MSRA: variants seen among roughly 807,000 people sequenced by gnomAD.
The protein encoded by MSRA is methionine sulfoxide reductase A.
MSRA carries 54 observed loss-of-function variants against 31.3 expected under a neutral mutation model. That is an observed-to-expected ratio of 1.73 (90% confidence interval 1.39 to 2.17). The LOEUF is 2.17. MSRA is among the 30% of genes most tolerant of loss of function. The pLI, the probability that MSRA is intolerant of heterozygous loss-of-function variation, is 0.00. For synonymous variants in MSRA, 169 were observed against 116.5 expected, an observed-to-expected ratio of 1.45 and a Z score of -2.90; for missense variants, 507 against 300.9, an observed-to-expected ratio of 1.69 and a Z score of -5.07.
intron 1 of MSRA, among the ~76,000 whole-genome samples, chr8:10,108,002 C>G (rs906388119): frequency 2.6e-5 from 4 of 152,180 alleles, no homozygotes; most frequent in African/African-American, 9.7e-5. Flanking sequence ...CCAATCACTC[C>G]CATTTCTTTT....
chr8:10,284,796 T>C (rs1799847161), intron 3 of MSRA, among the ~76,000 whole-genome samples: 1 of 152,142 alleles, frequency 6.6e-6, no homozygotes. Flanking sequence ...AAAATGGATA[T>C]AATGAAAATA....
At chr8:10,393,192 G>A (rs983990718) in intron 5 of MSRA, among the ~76,000 whole-genome samples, 6 of 151,908 alleles carry the variant, frequency 3.9e-5, no homozygotes, top group African/African-American at 7.3e-5. Context: ...GCAGCCGCCC[G>A]CCCCCCGTGT....
chr8:10,085,480 G>A lies in MSRA; in HGVS notation c.142+30822G>A, dbSNP rs1798513127. On this transcript the variant is annotated intron_variant, in intron 1 of 5. Transcript: ENST00000317173. The stretch of plus-strand genomic sequence containing the variant: ...CCTGTTTCTGCAACTGGAAGAAGAT[G>A]AGCGGAACCTCTTTTAGGTGGGGAC... 2.6e-5 allele frequency among the ~76,000 whole-genome samples: 4 copies of A among 152,214 alleles called. No homozygotes were observed. The South Asian group carries it at 8.3e-4, about 31-fold the overall frequency.
chr8:10,158,883 C>G (rs1009715927), intron 1 of MSRA, among the ~76,000 whole-genome samples: 2 of 152,224 alleles, frequency 1.3e-5, no homozygotes, highest in Non-Finnish European at 2.9e-5. Flanking sequence ...TCCTCTCCAA[C>G]GCTTGCTGTT....
At chr8:10,075,145 C>T (rs1408632875) in intron 1 of MSRA, among the ~76,000 whole-genome samples, 1 of 152,076 alleles carries the variant, frequency 6.6e-6, no homozygotes, top group African/African-American at 2.4e-5. Flanking sequence ...TATTGTATTT[C>T]TGTTTTCTGT....
rs10566550 is a variant in MSRA at position 10,089,138 on chromosome 8, CCACACACA to C, written c.142+34497_142+34504del. Among the ~76,000 whole-genome samples, 31 of 150,108 alleles carry C rather than the reference CCACACACA, an allele frequency of 2.1e-4. 1 individual carries two copies. The South Asian group carries it at 6.1e-3, about 29-fold the overall frequency. ...TAAGTAAATTTTAGCTGCTTTTGTC[CCACACACA>C]CACACACACACACACAGTAACTCTG... is the stretch of plus-strand genomic sequence containing the variant. On this transcript the variant is annotated intron_variant, in intron 1 of 5. Coordinates refer to ENST00000317173, the MANE Select transcript of MSRA (RefSeq NM_012331.5).
rs1455098001 is a variant in MSRA at position 10,166,045 on chromosome 8, A to G, written c.143-41788A>G. ...ACAAGGTACCCAAGACCGTGTGGGCACAGGATGGACCCTCAAGGCAGCGAA... is the reference window on the plus strand; with the variant it reads ...ACAAGGTACCCAAGACCGTGTGGGCGCAGGATGGACCCTCAAGGCAGCGAA... On this transcript the variant is annotated intron_variant, in intron 1 of 5. Coordinates refer to ENST00000317173, the MANE Select transcript of MSRA (RefSeq NM_012331.5). Among the ~76,000 whole-genome samples, 3 of 152,170 alleles carry G rather than the reference A, an allele frequency of 2.0e-5. No individual in the cohort carries two copies. The East Asian group carries it at 5.8e-4, about 29-fold the overall frequency.
chr8:10,182,157 A>C (rs1407686032), intron 1 of MSRA, among the ~76,000 whole-genome samples: 1 of 152,058 alleles, frequency 6.6e-6, no homozygotes, highest in South Asian at 2.1e-4. Context: ...TGCTTGGTTT[A>C]TCCTCTAAGC....
At chr8:10,253,952 C>T (rs377017106) in intron 3 of MSRA, among the ~76,000 whole-genome samples, 4 of 152,058 alleles carry the variant, frequency 2.6e-5, no homozygotes, top group Admixed American at 6.5e-5. Context: ...CACGGTTGCT[C>T]GTCATGGGAG....
intron 5 of MSRA, among the ~76,000 whole-genome samples, chr8:10,418,115 C>T (rs1378664481): frequency 1.3e-5 from 2 of 152,112 alleles, no homozygotes; most frequent in Non-Finnish European, 2.9e-5. Flanking sequence ...CACCACAATA[C>T]TTTAAAAAGT....
intron 1 of MSRA, among the ~76,000 whole-genome samples, chr8:10,178,510 T>C (rs1563186556): frequency 6.6e-6 from 1 of 152,208 alleles, no homozygotes; most frequent in Non-Finnish European, 1.5e-5. Context: ...ATCATCCATA[T>C]TGCTAATTTT....
intron 1 of MSRA, among the ~76,000 whole-genome samples, chr8:10,116,036 A>C (rs1800653157): frequency 6.6e-6 from 1 of 152,192 alleles, no homozygotes; most frequent in Non-Finnish European, 1.5e-5. Context: ...GGCTGGAACC[A>C]CTGCTCTGAG....
chr8:10,196,045 G>C (rs1295258048), intron 1 of MSRA, among the ~76,000 whole-genome samples: 1 of 152,206 alleles, frequency 6.6e-6, no homozygotes, highest in Non-Finnish European at 1.5e-5. Context: ...CACTGTCAGA[G>C]AGGAGAGGGT....
At chr8:10,205,672 A>G (rs954161097) in intron 1 of MSRA, among the ~76,000 whole-genome samples, 2 of 152,258 alleles carry the variant, frequency 1.3e-5, no homozygotes, top group Non-Finnish European at 2.9e-5. Context: ...CTAGACAAAA[A>G]GAAAAGAATC....
intron 1 of MSRA, among the ~76,000 whole-genome samples, chr8:10,163,633 G>C (rs1804861643): frequency 6.6e-6 from 1 of 152,252 alleles, no homozygotes; most frequent in South Asian, 2.1e-4. Context: ...TGTGAAATCA[G>C]TATGGCATTG....
intron 1 of MSRA, among the ~76,000 whole-genome samples, chr8:10,151,862 G>A (rs1477467446): frequency 6.6e-6 from 1 of 152,182 alleles, no homozygotes; most frequent in Non-Finnish European, 1.5e-5. Flanking sequence ...TTTAGTAAAG[G>A]CCAAGGTCAT....
At chr8:10,264,065 A>G (rs1371751183) in intron 3 of MSRA, among the ~76,000 whole-genome samples, 1 of 152,192 alleles carries the variant, frequency 6.6e-6, no homozygotes, top group East Asian at 1.9e-4. Context: ...TAATAAGCTA[A>G]TGATTTATTT....
chr8:10,130,587 C>A (rs1002121597), intron 1 of MSRA, among the ~76,000 whole-genome samples: 1 of 152,042 alleles, frequency 6.6e-6, no homozygotes, highest in Admixed American at 6.6e-5. Context: ...GACATTTCGA[C>A]GGAAAAAATA....
intron 1 of MSRA, among the ~76,000 whole-genome samples, chr8:10,141,435 AGACATACATTG>A (rs1802698005): frequency 6.6e-6 from 1 of 152,206 alleles, no homozygotes; most frequent in South Asian, 2.1e-4. Context: ...CCAATGCACA[AGACATACATTG>A]TCACCCACAC....
Sources: allele counts gnomAD v4.1 joint callset (sites outside exome capture counted in the v4.1 genomes callset), GRCh38; gene constraint gnomAD v4.1.1; transcripts MANE v1.5; gene names NCBI Gene and HGNC (gene_info 2026-07-23, HGNC 2026-07-21).